HELQ: variants seen among roughly 807,000 people sequenced by gnomAD.
HELQ encodes the protein helicase POLQ-like.
Under a neutral mutation model 111.6 loss-of-function variants are expected in HELQ, and 77 were observed. The observed-to-expected ratio is 0.69, with a 90% CI of 0.57 to 0.83. HELQ has a LOEUF of 0.83. Ranked by LOEUF, HELQ falls within the 40% of genes least tolerant of loss-of-function variation. The probability of loss-of-function intolerance (pLI) is 0.00; values close to 1 mark genes in which losing one functional copy is unlikely to be tolerated. For missense variants in HELQ, 1,200 were observed against 1,288.5 expected (o/e 0.93, Z 1.05); for synonymous variants, 438 against 454.7 (o/e 0.96, Z 0.47).
intron 17 of HELQ, among the ~76,000 whole-genome samples, chr4:83,413,961 C>A (rs1404760236): frequency 6.6e-6 from 1 of 152,212 alleles, no homozygotes; most frequent in Non-Finnish European, 1.5e-5. Context: ...AAGTGAGAAG[C>A]ACCCAGCTGC....
intron 14 of HELQ, 121 bp from the exon 15 acceptor site, chr4:83,421,857 A>G (rs1719520732): frequency 5.6e-6 from 4 of 708,166 alleles, no homozygotes; most frequent in Non-Finnish European, 9.6e-6. Context: ...ATAATTCCAT[A>G]GAAACAAAAC....
At chr4:83,411,157 C>CAAAAAAAAAAAAA (rs35424076) in intron 17 of HELQ, among the ~76,000 whole-genome samples, 1 of 67,146 alleles carries the variant, frequency 1.5e-5, no homozygotes, top group Admixed American at 1.8e-4. Flanking sequence ...GACCTTGTCT[C>CAAAAAAAAAAAAA]AAAAAAAAAA....
intron 14 of HELQ, among the ~76,000 whole-genome samples, chr4:83,422,870 A>T (rs755074484): frequency 1.3e-5 from 2 of 152,198 alleles, no homozygotes; most frequent in Non-Finnish European, 2.9e-5. Flanking sequence ...AATGTACTTT[A>T]GATAAATATG....
chr4:83,426,822 T>G lies in HELQ; in HGVS notation c.2677-730A>C, dbSNP rs192860608. 2.0e-5 allele frequency among the ~76,000 whole-genome samples: 3 copies of G among 152,300 alleles called. No homozygotes were observed. The East Asian group carries it at 5.8e-4, about 29-fold the overall frequency. ...CTCAAGTGATCCTCCCACCTTGGCC[T>G]CCCAAAGTGCTGGGATTACAGGCAT... is the stretch of plus-strand genomic sequence containing the variant. On this transcript the variant is annotated intron_variant, in intron 13 of 17. Transcript: ENST00000295488.
Position 83,418,152 on chromosome 4 carries a change from G to C in HELQ, c.3004C>G (p.Leu1002Val). The C allele has an allele frequency of 1.2e-6, 2 of 1,610,060 alleles. No individual in the cohort carries two copies. Among genetic ancestry groups the C allele is most frequent in the East Asian group, 2.2e-5 (1 of 44,742 alleles). Residue 1002 changes from leucine (L) to valine (V), a missense_variant, in exon 16 of 18, where the codon CTG becomes GTG. Leu to Val is a conservative substitution (Grantham distance 32). Transcript: ENST00000295488. ...AATTCTGCCTTTACACAGTAAGTCA[G>C]CTTCTTGGTAAGTTCTACCAAAAGG... ...RALLVELTKK[L>V]TYCVKAELIP...
rs1438815693 is a variant in HELQ at position 83,439,927 on chromosome 4, C to T, written c.1744G>A (p.Val582Ile). 6.2e-7 allele frequency: 1 copy of T among 1,609,198 alleles called. No homozygotes were observed. Among genetic ancestry groups the T allele is most frequent in the East Asian group, 2.2e-5 (1 of 44,712 alleles). ...CAGTTCTTCTTACTAGGACAAAAAA[C>T]TAAGCAGGAATAATTGGGAATAACT... ...TEVIPNYSCL[V>I]FCPSKKNCEN... Residue 582 changes from valine (V) to isoleucine (I), a missense_variant, in exon 8 of 18, where the codon GTT (valine) becomes ATT (isoleucine). Physicochemically the swap from Val to Ile is conservative, Grantham distance 29 (BLOSUM62 3). This residue lies in a region of HELQ where 585 missense variants were observed against 665.3 expected (regional missense o/e 0.88). Transcript: ENST00000295488.
rs1739390100 is a variant in HELQ at position 83,416,844 on chromosome 4, T to C, written c.3085A>G (p.Ser1029Gly). 1 of 1,609,046 alleles carries C rather than the reference T, an allele frequency of 6.2e-7. No individual in the cohort carries two copies. The highest frequency in any genetic ancestry group is 8.5e-7 in the Non-Finnish European group (1 of 1,178,376). ...VLEGRAKQLY[S>G]AGYKSLMHLA... ...TGCATTAGACTTTTGTAACCTGCACTGTATAACTGTTTTGCTCGACCCTGA... is the reference window on the plus strand; with the variant it reads ...TGCATTAGACTTTTGTAACCTGCACCGTATAACTGTTTTGCTCGACCCTGA... Residue 1029 changes from serine (S) to glycine (G), a missense_variant, in exon 17 of 18, where the codon AGT becomes GGT. Around this residue, in one of 3 missense-constraint regions of HELQ, gnomAD observed 585 missense variants for 665.3 expected, o/e 0.88. Coordinates refer to ENST00000295488, the MANE Select transcript of HELQ (RefSeq NM_133636.5).
chr4:83,453,838 T>C lies in HELQ; in HGVS notation c.405A>G (p.Glu135=), dbSNP rs200816201. Reference sequence around the variant, plus strand: ...CAAAGTCTGTAGCATGTTTCTTATGTTCAGGGAGTTGCATATATTTTTGTT... The same window carrying C: ...CAAAGTCTGTAGCATGTTTCTTATGCTCAGGGAGTTGCATATATTTTTGTT... The part of the protein sequence containing the change: ...DLEQKYMQLP[E]HKKHATDFAT... The change falls in exon 2 of 18, where the codon GAA becomes GAG. Residue 135 remains glutamate (E), a synonymous_variant. Transcript: ENST00000295488. The C allele has an allele frequency of 3.9e-5, 63 of 1,614,084 alleles. No individual in the cohort carries two copies. Among genetic ancestry groups the C allele is most frequent in the Non-Finnish European group, 5.3e-5 (62 of 1,179,926 alleles).
At chr4:83,421,507 T>C in intron 15 of HELQ, 56 bp downstream of exon 15, 1 of 1,346,584 alleles carries the variant, frequency 7.4e-7, no homozygotes, top group Non-Finnish European at 1.0e-6. Flanking sequence ...ATTAGTTTAG[T>C]AACAGTTAAA....
intron 17 of HELQ, among the ~76,000 whole-genome samples, chr4:83,412,395 G>A (rs78712619): frequency 0.026 from 3,929 of 152,260 alleles, 166 homozygotes; most frequent in African/African-American, 0.089. Flanking sequence ...CACGGTTCCT[G>A]GCTCATAACT....
At chr4:83,438,168 G>A (rs1459818257) in intron 8 of HELQ, among the ~76,000 whole-genome samples, 1 of 152,174 alleles carries the variant, frequency 6.6e-6, no homozygotes, top group Middle Eastern at 3.2e-3. Flanking sequence ...TGAAAGAGGA[G>A]GTAGAGGTTG....
chr4:83,427,467 C>T, intron 13 of HELQ, 96 bp downstream of exon 13: 2 of 1,020,908 alleles, frequency 2.0e-6, no homozygotes, highest in Non-Finnish European at 2.8e-6. Flanking sequence ...CCAGCCTGGG[C>T]AACATGGCAA....
intron 1 of HELQ, 119 bp from the exon 2 acceptor site, chr4:83,454,064 C>T (rs1721573622): frequency 2.9e-6 from 2 of 679,960 alleles, no homozygotes; most frequent in Admixed American, 5.0e-5. Flanking sequence ...ATTAGCCGGG[C>T]ATAGTGGCAT....
intron 17 of HELQ, 119 bp from the exon 18 acceptor site, chr4:83,407,679 C>T (rs1035383411): frequency 1.6e-6 from 1 of 636,652 alleles, no homozygotes; most frequent in African/African-American, 1.9e-5. Context: ...GACATTAAAA[C>T]TATAATGAGA....
At chr4:83,439,313 C>T (rs536812938) in intron 8 of HELQ, among the ~76,000 whole-genome samples, 109 of 151,876 alleles carry the variant, frequency 7.2e-4, no homozygotes, top group African/African-American at 2.6e-3. Flanking sequence ...GATCCGCACA[C>T]CTTGGCTTCC....
intron 15 of HELQ, among the ~76,000 whole-genome samples, chr4:83,420,457 C>A (rs1337131789): frequency 6.8e-6 from 1 of 146,182 alleles, no homozygotes; most frequent in Non-Finnish European, 1.5e-5. Flanking sequence ...CATAGTGAGA[C>A]CCCCCACCCC....
intron 11 of HELQ, 35 bp from the exon 12 acceptor site, chr4:83,429,781 C>A: frequency 6.9e-7 from 1 of 1,444,226 alleles, no homozygotes; most frequent in South Asian, 1.2e-5. Context: ...GAGCATTTTC[C>A]TTAATTCAAG....
rs779532823 is a variant in HELQ at position 83,448,892 on chromosome 4, G to A, written c.1082C>T (p.Thr361Ile). 6.2e-7 allele frequency: 1 copy of A among 1,612,470 alleles called. No homozygotes were observed. The highest frequency in any genetic ancestry group is 8.5e-7 in the Non-Finnish European group (1 of 1,179,016). Residue 361 changes from threonine (T) to isoleucine (I), a missense_variant, in exon 3 of 18, where the codon ACA becomes ATA. Coordinates refer to ENST00000295488, the MANE Select transcript of HELQ (RefSeq NM_133636.5). ...AGCCACGAGGGTTTTTCCACCACTT[G>A]TTGGCAAGGAATATATTAAATTTTT... The part of the protein sequence containing the change: ...ERKNLIYSLP[T>I]SGGKTLVAEI...
chr4:83,452,631 C>T (rs1334805154), intron 2 of HELQ, among the ~76,000 whole-genome samples: 2 of 152,106 alleles, frequency 1.3e-5, no homozygotes, highest in African/African-American at 4.8e-5. Context: ...ACTAAGAAAG[C>T]TGAGGATCTC....
Sources: gnomAD v4.1 joint callset for allele counts (sites outside exome capture counted in the v4.1 genomes callset) on GRCh38, gnomAD v4.1.1 for gene constraint, gnomAD v4.1.1 regional missense constraint, MANE v1.5 for transcripts, NCBI Gene and HGNC (gene_info 2026-07-23, HGNC 2026-07-21) for gene names.